The following TUBA4B variants were observed in gnomAD, a reference collection of about 807,000 sequenced individuals.
TUBA4B encodes tubulin-like protein alpha-4B.
Under a neutral mutation model 18.4 loss-of-function variants are expected in TUBA4B, and 13 were observed. The observed-to-expected ratio is 0.71, with a 90% CI of 0.46 to 1.12. The LOEUF is 1.12. Ranked by LOEUF, TUBA4B falls within the 50% of genes most tolerant of loss-of-function variation. The pLI, the probability that TUBA4B is intolerant of heterozygous loss-of-function variation, is 0.00. For missense variants in TUBA4B, 244 were observed against 250.0 expected, an observed-to-expected ratio of 0.98 and a Z score of 0.16; for synonymous variants, 101 against 99.1, an observed-to-expected ratio of 1.02 and a Z score of -0.11.
At chr2:219,261,115 G>A (rs1574891443) in intron 1 of TUBA4B, among the ~76,000 whole-genome samples, 2 of 151,984 alleles carry the variant, frequency 1.3e-5, no homozygotes, top group East Asian at 1.9e-4. Context: ...CTTGAACAAT[G>A]AGGGCATGTA....
intron 1 of TUBA4B, among the ~76,000 whole-genome samples, chr2:219,264,812 C>G (rs1951780806): frequency 6.6e-6 from 1 of 152,172 alleles, no homozygotes; most frequent in Non-Finnish European, 1.5e-5. Context: ...CTGCAGGCAA[C>G]TGAAACTGCA....
chr2:219,253,938 C>G (rs1471813426), intron 1 of TUBA4B: 8 of 1,140,832 alleles, frequency 7.0e-6, no homozygotes, highest in Non-Finnish European at 9.1e-6. Context: ...AGTGCCGCAC[C>G]GCCCTTATAG....
intron 1 of TUBA4B, among the ~76,000 whole-genome samples, chr2:219,258,471 C>G (rs1219616331): frequency 6.6e-6 from 1 of 151,682 alleles, no homozygotes; most frequent in East Asian, 1.9e-4. Flanking sequence ...CAGGTGTGCA[C>G]CACCACGCCT....
intron 2 of TUBA4B, among the ~76,000 whole-genome samples, chr2:219,267,581 G>GA (rs1440526012): frequency 7.0e-6 from 1 of 142,506 alleles, no homozygotes; most frequent in Non-Finnish European, 1.5e-5. Context: ...TCTTTTTTTT[G>GA]TTTTTTTTTT....
At chr2:219,264,525 A>C (rs549584743) in intron 1 of TUBA4B, among the ~76,000 whole-genome samples, 2 of 152,254 alleles carry the variant, frequency 1.3e-5, no homozygotes, top group South Asian at 4.1e-4. Context: ...ATATGCCAGC[A>C]TCACTGCTCT....
chr2:219,267,919 G>A (rs1370973154), intron 2 of TUBA4B, among the ~76,000 whole-genome samples: 1 of 152,150 alleles, frequency 6.6e-6, no homozygotes, highest in East Asian at 1.9e-4. Flanking sequence ...ATCATTCCCA[G>A]AGGGGCCAGA....
chr2:219,262,668 C>T (rs552329898), intron 1 of TUBA4B, among the ~76,000 whole-genome samples: 1 of 152,234 alleles, frequency 6.6e-6, no homozygotes, highest in South Asian at 2.1e-4. Context: ...CCACCACACC[C>T]AGCTAATTAA....
In TUBA4B at chr2:219,271,273, T is replaced by A; in HGVS notation, c.300T>A (p.Tyr100Ter). The A allele has an allele frequency of 6.7e-7, 1 of 1,485,994 alleles. No individual in the cohort carries two copies. The highest frequency in any genetic ancestry group is 9.4e-7 in the Non-Finnish European group (1 of 1,063,566). The allele number at this position is 1,485,994 out of a possible 1,614,324, so 92.1% of individuals were successfully genotyped here. A position where few individuals can be genotyped will look rare whatever the true frequency, so the allele number is the denominator to read the frequency against. Residue 100 changes from tyrosine to a stop codon, truncating the protein, a stop_gained, in exon 4 of 4, where the codon TAT becomes TAA. Coordinates refer to ENST00000490341, the MANE Select transcript of TUBA4B (RefSeq NM_001355221.1). LOFTEE classifies it high-confidence loss of function. ...TGATGGAGTGGCTTTCTGTTAACTA[T>A]GGCAAGAAATCCAAGCTGGGATTCT... ...SFLMEWLSVN[Y>*]GKKSKLGFSI...
rs1378208357 is a variant in TUBA4B at position 219,271,378 on chromosome 2, G to A, written c.405G>A (p.Glu135=). The change falls in exon 4 of 4, where the codon GAG becomes GAA. Residue 135 remains glutamate, a synonymous_variant. Transcript: ENST00000490341. The stretch of plus-strand genomic sequence containing the variant: ...TCCTGACCACCCACACCACCCTGGA[G>A]CACTCAGACTGTGCCTTCATGGTGG... ...NSILTTHTTL[E]HSDCAFMVDN... is the part of the protein sequence containing the mutation. The A allele has an allele frequency of 1.2e-6, 2 of 1,614,050 alleles. No individual in the cohort carries two copies. The highest frequency in any genetic ancestry group is 2.2e-5 in the East Asian group (1 of 44,886).
rs369713142 is a variant in TUBA4B at position 219,255,046 on chromosome 2, T to TTC, written c.12+1645_12+1646dup. Among the ~76,000 whole-genome samples the TTC allele has an allele frequency of 3.8e-3, 568 of 149,930 alleles. 4 individuals carry two copies. Among genetic ancestry groups the TTC allele is most frequent in the African/African-American group, 0.011 (454 of 40,984 alleles). ...TTTTCAAGCTACTTCTGCTTTCTCT[T>TTC]TCTCTCTCTCTCTCTCTCTTTTGAG... On this transcript the variant is annotated intron_variant, in intron 1 of 3. Transcript: ENST00000490341.
chr2:219,255,342 G>T (rs1035395670), intron 1 of TUBA4B, among the ~76,000 whole-genome samples: 3 of 152,294 alleles, frequency 2.0e-5, no homozygotes, highest in African/African-American at 7.2e-5. Context: ...GGGTTCTAGC[G>T]ATTCTCCTGC....
At chr2:219,253,762 C>T (rs1951688264) in intron 1 of TUBA4B, 4 of 1,446,922 alleles carry the variant, frequency 2.8e-6, no homozygotes, top group Admixed American at 2.2e-5. Flanking sequence ...CCCGGAACGC[C>T]CGGTGGAGGT....
intron 1 of TUBA4B, among the ~76,000 whole-genome samples, chr2:219,253,698 T>C (rs1394105712): frequency 1.3e-5 from 2 of 152,062 alleles, no homozygotes; most frequent in African/African-American, 2.4e-5. Context: ...TCGGCCAAAG[T>C]CACCAGGAGG....
intron 1 of TUBA4B, among the ~76,000 whole-genome samples, chr2:219,257,645 A>C (rs1292201605): frequency 0.028 from 3,700 of 130,390 alleles, 10 homozygotes; most frequent in Non-Finnish European, 0.041. Flanking sequence ...CTGTCTCAAA[A>C]AAAAAAAAAA....
Position 219,253,286 on chromosome 2 carries a change from A to G in TUBA4B, c.-122A>G, listed in dbSNP as rs1951678667. On this transcript the variant is annotated 5_prime_UTR_variant, in exon 1 of 4. Coordinates refer to ENST00000490341, the MANE Select transcript of TUBA4B (RefSeq NM_001355221.1). ...ACCCGGGCTTCGGCTGGAGAGGGCCAGCTCGCTTCAGGAGGCCGAACCCCG... is the reference window on the plus strand; with the variant it reads ...ACCCGGGCTTCGGCTGGAGAGGGCCGGCTCGCTTCAGGAGGCCGAACCCCG... 2.1e-5 allele frequency: 32 copies of G among 1,502,758 alleles called. No individual in the cohort carries two copies. In the South Asian group the frequency reaches 3.4e-4, roughly 16 times the overall value. 93.1% of individuals were successfully genotyped at this position (1,502,758 alleles called of 1,614,324 possible).
chr2:219,262,727 G>T (rs1951767100), intron 1 of TUBA4B, among the ~76,000 whole-genome samples: 1 of 151,994 alleles, frequency 6.6e-6, no homozygotes, highest in Non-Finnish European at 1.5e-5. Context: ...TGTTGCCCAG[G>T]CTAGAATGTA....
chr2:219,254,556 C>T (rs946192911), intron 1 of TUBA4B: 3 of 152,308 alleles, frequency 2.0e-5, no homozygotes. Context: ...CGGGGCCGAC[C>T]CCGGAATCTG....
At position 219,267,610 on chromosome 2, in the gene TUBA4B, T is replaced by C. The variant is rs541630842; in HGVS notation, c.58+1044T>C. ...TTTTTTTTTTGAGACGGAGTCTCAT[T>C]CTGGAGTGCAGTGGCGCAATCTCGG... On this transcript the variant is annotated intron_variant, in intron 2 of 3. Transcript: ENST00000490341. Among the ~76,000 whole-genome samples the C allele has an allele frequency of 4.6e-5, 7 of 151,692 alleles. No homozygotes were observed. The South Asian group carries it at 1.5e-3, about 32-fold the overall frequency.
chr2:219,257,005 C>G (rs957156984), intron 1 of TUBA4B, among the ~76,000 whole-genome samples: 7 of 148,860 alleles, frequency 4.7e-5, no homozygotes, highest in Non-Finnish European at 8.9e-5. Context: ...GGCAACCTGG[C>G]CAACACCTTC....
Sources: allele counts gnomAD v4.1 joint callset (sites outside exome capture counted in the v4.1 genomes callset), GRCh38; gene constraint gnomAD v4.1.1; transcripts MANE v1.5; gene names NCBI Gene and HGNC (gene_info 2026-07-23, HGNC 2026-07-21).